Variants in SHISA9 observed in about 807,000 individuals in gnomAD.
SHISA9 encodes the protein protein shisa-9.
A neutral mutation model predicts 38.0 loss-of-function variants in SHISA9; 13 were observed. That is an observed-to-expected ratio of 0.34 (90% confidence interval 0.22 to 0.54). The LOEUF (loss-of-function observed/expected upper bound fraction) is 0.54, where lower values mean the gene tolerates loss of function less well. Among genes scored for constraint, SHISA9 ranks in the 20% least tolerant of loss-of-function variants. SHISA9 has a pLI of 0.91. For missense variants in SHISA9, 538 were observed against 575.8 expected (o/e 0.93, Z 0.67); for synonymous variants, 275 against 242.0 (o/e 1.14, Z -1.27).
At chr16:12,985,966 G>T (rs1054199688) in intron 2 of SHISA9, among the ~76,000 whole-genome samples, 9 of 152,308 alleles carry the variant, frequency 5.9e-5, no homozygotes, top group Middle Eastern at 3.4e-3. Flanking sequence ...CAGGCCAGCG[G>T]TGGGGCCGAC....
At chr16:12,909,591 G>C (rs2141712032) in intron 1 of SHISA9, 2 of 985,370 alleles carry the variant, frequency 2.0e-6, no homozygotes, top group Admixed American at 6.1e-5. Flanking sequence ...TCTTGGAGCT[G>C]TTGCACTGGC....
At chr16:13,213,710 G>A (rs2051141816) in intron 4 of SHISA9, among the ~76,000 whole-genome samples, 1 of 152,142 alleles carries the variant, frequency 6.6e-6, no homozygotes, top group Non-Finnish European at 1.5e-5. Context: ...ATTGGCCAAG[G>A]GTCTTGGGAA....
At chr16:13,092,906 T>C (rs913882427) in intron 2 of SHISA9, among the ~76,000 whole-genome samples, 1 of 152,208 alleles carries the variant, frequency 6.6e-6, no homozygotes, top group Non-Finnish European at 1.5e-5. Flanking sequence ...TCTGCGTCTG[T>C]CATGCTGGGA....
chr16:12,967,049 C>T (rs78321734), intron 2 of SHISA9, among the ~76,000 whole-genome samples: 11,812 of 152,146 alleles, frequency 0.078, 722 homozygotes, highest in East Asian at 0.16. Context: ...CCAGCCATCC[C>T]ATTACTGGGA....
chr16:13,122,620 C>T (rs530001625), intron 2 of SHISA9, among the ~76,000 whole-genome samples: 1 of 152,164 alleles, frequency 6.6e-6, no homozygotes, highest in Non-Finnish European at 1.5e-5. Flanking sequence ...TAATTATTGG[C>T]TGTTGCAGAA....
At chr16:13,411,647 G>A in the SHISA9 span, among the ~76,000 whole-genome samples, 1 of 152,224 alleles carries the variant, frequency 6.6e-6, no homozygotes, top group African/African-American at 2.4e-5. Flanking sequence ...CAGTATCTCT[G>A]AATTCCAAGC....
chr16:13,010,108 G>C (rs932860160), intron 2 of SHISA9, among the ~76,000 whole-genome samples: 1 of 152,112 alleles, frequency 6.6e-6, no homozygotes, highest in Non-Finnish European at 1.5e-5. Flanking sequence ...AGCCCAGGAG[G>C]TTGAGACTGC....
At position 13,236,796 on chromosome 16, in the gene SHISA9, C is replaced by G. The variant is rs1265391167; in HGVS notation, c.*1387C>G. The G allele has an allele frequency of 6.6e-6, 1 of 152,194 alleles. No homozygotes were observed. Among genetic ancestry groups the G allele is most frequent in the Non-Finnish European group, 1.5e-5 (1 of 68,052 alleles). The allele number at this position is 152,194 out of a possible 1,614,324, so 9.4% of individuals were successfully genotyped here. On this transcript the variant is annotated 3_prime_UTR_variant, in exon 5 of 5. Transcript: ENST00000558583. The stretch of plus-strand genomic sequence containing the variant: ...AAATTAGTCCTTCCATTTTCTAGCC[C>G]TCTCAAACCTGTCAGATGTTTCTTG...
chr16:13,562,867 C>T, the SHISA9 span: 1 of 149,058 alleles, frequency 6.7e-6, no homozygotes, highest in Non-Finnish European at 1.5e-5. Flanking sequence ...TAGAAATGCA[C>T]AAGAACTGAA....
chr16:12,943,208 G>A (rs1567347443), intron 2 of SHISA9, among the ~76,000 whole-genome samples: 1 of 151,478 alleles, frequency 6.6e-6, no homozygotes, highest in Non-Finnish European at 1.5e-5. Flanking sequence ...ATCCACTGTT[G>A]GAGTGGGTGG....
chr16:13,293,344 G>C, the SHISA9 span, among the ~76,000 whole-genome samples: 1 of 152,054 alleles, frequency 6.6e-6, no homozygotes, highest in Non-Finnish European at 1.5e-5. Flanking sequence ...GCTCCCTATG[G>C]CTAGTCAACC....
At chr16:13,480,817 T>C in the SHISA9 span, among the ~76,000 whole-genome samples, 1 of 152,042 alleles carries the variant, frequency 6.6e-6, no homozygotes, top group East Asian at 1.9e-4. Context: ...TGTGAGTCCA[T>C]CCCCTGCAAA....
rs1405142641 is a variant in SHISA9, at chr16:13,019,866, CCCTCCCTCCCTCCCTCCCTTCTTT to C, written c.691+103053_691+103076del. On this transcript the variant is annotated intron_variant, in intron 2 of 4. Transcript: ENST00000558583. ...TCCTTCCCTCCCTCCCTCCCTCCCT[CCCTCCCTCCCTCCCTCCCTTCTTT>C]CTTTCTTTCTTTCTTTCTTTCTTTC... Among the ~76,000 whole-genome samples, 165 of 33,406 alleles carry C rather than the reference CCCTCCCTCCCTCCCTCCCTTCTTT, an allele frequency of 4.9e-3. 7 individuals are homozygous for C. The highest frequency in any genetic ancestry group is 0.018 in the East Asian group (11 of 622). 21.9% of individuals were successfully genotyped at this position (33,406 alleles called of 152,430 possible).
intron 2 of SHISA9, among the ~76,000 whole-genome samples, chr16:12,931,116 C>T (rs1025719850): frequency 1.3e-5 from 2 of 152,092 alleles, no homozygotes; most frequent in Admixed American, 6.6e-5. Flanking sequence ...GGGAGCATCC[C>T]CTGTGCTCCC....
chr16:12,984,845 C>A (rs2072285981), intron 2 of SHISA9, among the ~76,000 whole-genome samples: 1 of 152,154 alleles, frequency 6.6e-6, no homozygotes, highest in South Asian at 2.1e-4. Context: ...GGGAGTAAGT[C>A]TGTACGGCCT....
the SHISA9 span, among the ~76,000 whole-genome samples, chr16:13,489,795 T>C: frequency 1.3e-5 from 2 of 152,172 alleles, no homozygotes; most frequent in East Asian, 1.9e-4. Context: ...TGAGATAGAT[T>C]CTATTATCTT....
intron 1 of SHISA9, chr16:12,911,412 C>T (rs143664262): frequency 5.1e-6 from 5 of 980,198 alleles, no homozygotes; most frequent in East Asian, 1.1e-4. Context: ...TTTGTATGCA[C>T]CCCAATATAT....
Position 12,902,212 on chromosome 16 carries a change from G to A in SHISA9, c.148G>A (p.Ala50Thr). 6.5e-7 allele frequency: 1 copy of A among 1,533,434 alleles called. No homozygotes were observed. Among genetic ancestry groups the A allele is most frequent in the Non-Finnish European group, 8.7e-7 (1 of 1,144,304 alleles). 95.0% of individuals were successfully genotyped at this position (1,533,434 alleles called of 1,614,324 possible). A position where few individuals can be genotyped will look rare whatever the true frequency, so the allele number is the denominator to read the frequency against. The change falls in exon 1 of 5, where the codon GCC becomes ACC. Residue 50 changes from alanine (A) to threonine (T), a missense_variant. Around this residue, in one of 4 missense-constraint regions of SHISA9, gnomAD observed 107 missense variants for 103.0 expected, o/e 1.04. Coordinates refer to ENST00000558583, the MANE Select transcript of SHISA9 (RefSeq NM_001145204.3). ...LLAGGNRSGAASGEASEGAEA... is the reference protein window; with the variant it reads ...LLAGGNRSGATSGEASEGAEA... The stretch of plus-strand genomic sequence containing the variant: ...GGCGGGGGGCAACCGCTCCGGGGCC[G>A]CCTCCGGAGAGGCCAGCGAGGGCGC...
chr16:13,417,875 G>C, the SHISA9 span, among the ~76,000 whole-genome samples: 1 of 152,222 alleles, frequency 6.6e-6, no homozygotes. Flanking sequence ...ATCAAACAGA[G>C]GATGCTTGAA....
Sources: gnomAD v4.1 joint callset for allele counts (sites outside exome capture counted in the v4.1 genomes callset) on GRCh38, gnomAD v4.1.1 for gene constraint, gnomAD v4.1.1 regional missense constraint, MANE v1.5 for transcripts, NCBI Gene and HGNC (gene_info 2026-07-23, HGNC 2026-07-21) for gene names.